Variants in ARNT2 observed in about 807,000 individuals in gnomAD.
ARNT2 encodes the protein aryl hydrocarbon receptor nuclear translocator 2.
ARNT2 carries 36 observed loss-of-function variants against 91.7 expected under a neutral mutation model. The observed-to-expected ratio is 0.39, with a 90% CI of 0.30 to 0.52. The LOEUF (loss-of-function observed/expected upper bound fraction) is 0.52, where lower values mean the gene tolerates loss of function less well. Ranked by LOEUF, ARNT2 falls within the 20% of genes least tolerant of loss-of-function variation. ARNT2 has a pLI of 0.72. For synonymous variants in ARNT2, 365 were observed against 347.1 expected (o/e 1.05, Z -0.57); for missense variants, 775 against 939.3 (o/e 0.83, Z 2.29).
intron 5 of ARNT2, among the ~76,000 whole-genome samples, chr15:80,503,215 G>T (rs1410421767): frequency 5.9e-5 from 9 of 152,228 alleles, no homozygotes; most frequent in Non-Finnish European, 1.0e-4. Context: ...TCTCCTGTGG[G>T]ATGGAGACTG....
chr15:80,430,702 A>T (rs552445286), intron 1 of ARNT2, among the ~76,000 whole-genome samples: 6 of 152,132 alleles, frequency 3.9e-5, no homozygotes, highest in Non-Finnish European at 7.4e-5. Flanking sequence ...TCTTTGCTCT[A>T]GTGGTCTTTT....
At chr15:80,410,910 C>T (rs867458760) in intron 1 of ARNT2, among the ~76,000 whole-genome samples, 1 of 152,034 alleles carries the variant, frequency 6.6e-6, no homozygotes, top group Non-Finnish European at 1.5e-5. Context: ...TGGACTAGCT[C>T]ACCACACGAA....
chr15:80,498,517 G>A (rs1394202299), intron 5 of ARNT2, among the ~76,000 whole-genome samples: 3 of 152,160 alleles, frequency 2.0e-5, no homozygotes, highest in Non-Finnish European at 4.4e-5. Flanking sequence ...CAAAAGCTAG[G>A]CTGTCCCAGC....
chr15:80,488,922 T>C (rs1897015423), intron 5 of ARNT2, among the ~76,000 whole-genome samples: 1 of 152,214 alleles, frequency 6.6e-6, no homozygotes, highest in African/African-American at 2.4e-5. Context: ...CTAACTTTGA[T>C]GTTCAGGAAG....
At chr15:80,498,603 TG>T (rs1394012316) in intron 5 of ARNT2, among the ~76,000 whole-genome samples, 1 of 152,132 alleles carries the variant, frequency 6.6e-6, no homozygotes, top group African/African-American at 2.4e-5. Flanking sequence ...CCACCAAATA[TG>T]GATGCAAACC....
intron 3 of ARNT2, among the ~76,000 whole-genome samples, chr15:80,467,579 C>T (rs1273901899): frequency 6.6e-6 from 1 of 152,146 alleles, no homozygotes; most frequent in African/African-American, 2.4e-5. Context: ...GGGGCGGTGG[C>T]GTGCAGCCCT....
intron 1 of ARNT2, among the ~76,000 whole-genome samples, chr15:80,419,940 C>A (rs1349351386): frequency 6.6e-6 from 1 of 152,174 alleles, no homozygotes; most frequent in East Asian, 1.9e-4. Flanking sequence ...GCCTGAAGAG[C>A]CTTGGAGGAG....
At position 80,433,191 on chromosome 15, in the gene ARNT2, T is replaced by G. The variant is rs16972107; in HGVS notation, c.32-17689T>G. On this transcript the variant is annotated intron_variant, in intron 1 of 18. Transcript: ENST00000303329. ...CAATTTGTTGTGTAAACAGCGGGTA[T>G]GCCCACATTTTTTTTCCTTTTTAGA... is the stretch of plus-strand genomic sequence containing the variant. Among the ~76,000 whole-genome samples the G allele has an allele frequency of 1.2e-3, 105 of 90,660 alleles. 1 individual carries two copies. Among genetic ancestry groups the G allele is most frequent in the Admixed American group, 3.5e-3 (29 of 8,268 alleles). The allele number at this position is 90,660 out of a possible 152,430, so 59.5% of individuals were successfully genotyped here.
rs537444604 is a variant in ARNT2, at chr15:80,510,612, C to T, written c.725+2354C>T. On this transcript the variant is annotated intron_variant, in intron 6 of 18. Transcript: ENST00000303329. Reference sequence around the variant, plus strand: ...TTGGGAGGCCAAGGCGGGCAGATCACGAGGTCAAGAGATCAAGACTATCCT... The same window carrying T: ...TTGGGAGGCCAAGGCGGGCAGATCATGAGGTCAAGAGATCAAGACTATCCT... Among the ~76,000 whole-genome samples, 454 of 61,982 alleles carry T rather than the reference C, an allele frequency of 7.3e-3. 4 individuals are homozygous for T. The highest frequency in any genetic ancestry group is 0.015 in the Non-Finnish European group (368 of 23,848). The allele number at this position is 61,982 out of a possible 152,430, so 40.7% of individuals were successfully genotyped here.
chr15:80,553,773 G>A (rs1242906725), intron 10 of ARNT2, among the ~76,000 whole-genome samples: 7 of 152,040 alleles, frequency 4.6e-5, no homozygotes, highest in Non-Finnish European at 1.0e-4. Context: ...GAGCAACTAC[G>A]TTTGGGATAT....
chr15:80,514,168 G>A lies in ARNT2; in HGVS notation c.792-152G>A, dbSNP rs368898923. Reference sequence around the variant, plus strand: ...AATTTATTTTTGATTTTCAGACCATGTGGGAGGAAGGAACACAGGATGGTG... The same window carrying A: ...AATTTATTTTTGATTTTCAGACCATATGGGAGGAAGGAACACAGGATGGTG... On this transcript the variant is annotated intron_variant, in intron 7 of 18. Coordinates refer to ENST00000303329, the MANE Select transcript of ARNT2 (RefSeq NM_014862.4). 96 of 967,284 alleles carry A rather than the reference G, an allele frequency of 9.9e-5. No individual in the cohort carries two copies. The African/African-American group carries it at 1.5e-3, about 15-fold the overall frequency. 59.9% of individuals were successfully genotyped at this position (967,284 alleles called of 1,614,324 possible).
intron 1 of ARNT2, among the ~76,000 whole-genome samples, chr15:80,420,056 G>A (rs575246702): frequency 4.7e-4 from 71 of 152,178 alleles, no homozygotes; most frequent in African/African-American, 1.6e-3. Flanking sequence ...ATCCACGTAT[G>A]TCTTTGAGCC....
intron 15 of ARNT2, among the ~76,000 whole-genome samples, chr15:80,578,399 AGAGGATGACCACG>A (rs1396665082): frequency 7.9e-5 from 12 of 152,078 alleles, no homozygotes; most frequent in Admixed American, 7.8e-4. Context: ...TGGGAGAAAC[AGAGGATGACCACG>A]TTGTTCTATG....
chr15:80,487,736 A>T (rs1896999129), intron 5 of ARNT2: 1 of 152,242 alleles, frequency 6.6e-6, no homozygotes, highest in Admixed American at 6.5e-5. Flanking sequence ...TCTTCTAGGT[A>T]TGCAGACCTC....
chr15:80,528,149 C>A (rs1255651041), intron 8 of ARNT2, among the ~76,000 whole-genome samples: 1 of 152,066 alleles, frequency 6.6e-6, no homozygotes, highest in Non-Finnish European at 1.5e-5. Flanking sequence ...TTTATGAGAG[C>A]TGGGAGATGT....
intron 14 of ARNT2, among the ~76,000 whole-genome samples, chr15:80,575,461 G>C (rs1406796011): frequency 6.6e-6 from 1 of 152,200 alleles, no homozygotes; most frequent in South Asian, 2.1e-4. Flanking sequence ...ACCGAAGGAG[G>C]GAGAACTGTC....
chr15:80,450,348 G>A (rs994155403), intron 1 of ARNT2, among the ~76,000 whole-genome samples: 1 of 152,148 alleles, frequency 6.6e-6, no homozygotes, highest in Non-Finnish European at 1.5e-5. Context: ...AATAACAGAG[G>A]GGCCAAGCAG....
At chr15:80,531,981 A>G (rs1230110801) in intron 8 of ARNT2, among the ~76,000 whole-genome samples, 1 of 152,172 alleles carries the variant, frequency 6.6e-6, no homozygotes, top group African/African-American at 2.4e-5. Context: ...CCAGCTCGGC[A>G]GTGGGCGGCT....
At chr15:80,564,754 T>A (rs187670656) in intron 12 of ARNT2, among the ~76,000 whole-genome samples, 18 of 151,228 alleles carry the variant, frequency 1.2e-4, no homozygotes, top group African/African-American at 4.1e-4. Flanking sequence ...CAATGTTTAG[T>A]TCCCACTTAA....
Sources: gnomAD v4.1 joint callset for allele counts (sites outside exome capture counted in the v4.1 genomes callset) on GRCh38, gnomAD v4.1.1 for gene constraint, MANE v1.5 for transcripts, NCBI Gene and HGNC (gene_info 2026-07-23, HGNC 2026-07-21) for gene names.